Variants in TGM5 observed in about 807,000 individuals in gnomAD.
TGM5 encodes the protein transglutaminase 5.
TGM5 carries 69 observed loss-of-function variants against 77.2 expected under a neutral mutation model. That is an observed-to-expected ratio of 0.89 (90% CI 0.74 to 1.09). The LOEUF (loss-of-function observed/expected upper bound fraction) is 1.09. TGM5 is among the 50% of genes least tolerant of loss of function. TGM5 has a pLI of 0.00. For missense variants in TGM5, 842 were observed against 896.5 expected, an observed-to-expected ratio of 0.94 and a Z score of 0.78; for synonymous variants, 346 against 351.8, an observed-to-expected ratio of 0.98 and a Z score of 0.18.
rs575654520 is a variant in TGM5 at position 43,253,560 on chromosome 15, T to C, written c.630A>G (p.Thr210=). 6.2e-7 allele frequency: 1 copy of C among 1,613,858 alleles called. No homozygotes were observed. The highest frequency in any genetic ancestry group is 2.2e-5 in the East Asian group (1 of 44,886). ...KSLHFQTDPA[T]DCALRGSPVY... The stretch of plus-strand genomic sequence containing the variant: ...CGGGGCTTCCCCGCAGAGCACAGTC[T>C]GTGGCTGGGTCAGTCTGGAAGTGCA... Residue 210 remains threonine (T), a synonymous_variant, in exon 5 of 13, where the codon ACA becomes ACG. Transcript: ENST00000220420.
At chr15:43,251,447 A>C (rs1365303297) in intron 6 of TGM5, among the ~76,000 whole-genome samples, 1 of 152,186 alleles carries the variant, frequency 6.6e-6, no homozygotes, top group Non-Finnish European at 1.5e-5. Context: ...CACGAAATGC[A>C]ACAAACTTTG....
chr15:43,239,890 A>G (rs1181767336), intron 7 of TGM5: 1 of 159,180 alleles, frequency 6.3e-6, no homozygotes, highest in African/African-American at 2.4e-5. Flanking sequence ...TTGTATTCGG[A>G]GGTAAGGCCG....
chr15:43,235,082 T>C (rs2042578164), intron 10 of TGM5, among the ~76,000 whole-genome samples, 153 bp from the exon 11 acceptor site: 1 of 152,036 alleles, frequency 6.6e-6, no homozygotes, highest in African/African-American at 2.4e-5. Context: ...GGAAATGAGC[T>C]GAAAAGAGCC....
chr15:43,240,320 A>G (rs1251599677), intron 7 of TGM5, among the ~76,000 whole-genome samples: 1 of 152,168 alleles, frequency 6.6e-6, no homozygotes, highest in Non-Finnish European at 1.5e-5. Flanking sequence ...GTCTATTACC[A>G]TTAGGTCATA....
intron 6 of TGM5, among the ~76,000 whole-genome samples, chr15:43,241,940 T>C (rs1024420762): frequency 2.6e-5 from 4 of 152,124 alleles, no homozygotes; most frequent in Non-Finnish European, 5.9e-5. Context: ...GCGCCCGGCC[T>C]CTGTGCTCTT....
intron 4 of TGM5, among the ~76,000 whole-genome samples, chr15:43,255,872 C>T (rs982170548): frequency 2.6e-5 from 4 of 152,128 alleles, no homozygotes; most frequent in African/African-American, 7.2e-5. Flanking sequence ...GTTATTTTTA[C>T]GTATAAAGTA....
intron 6 of TGM5, 57 bp from the exon 7 acceptor site, chr15:43,241,047 T>G: frequency 6.2e-7 from 1 of 1,612,106 alleles, no homozygotes; most frequent in Non-Finnish European, 8.5e-7. Flanking sequence ...ACCCGTATAT[T>G]CCTGGACTTT....
chr15:43,243,690 C>T (rs1180416420), intron 6 of TGM5, among the ~76,000 whole-genome samples: 1 of 152,200 alleles, frequency 6.6e-6, no homozygotes, highest in East Asian at 1.9e-4. Context: ...CTATGGCTTT[C>T]TCTCCCACTT....
intron 6 of TGM5, 143 bp downstream of exon 6, chr15:43,252,616 G>A (rs557424166): frequency 9.9e-6 from 11 of 1,112,422 alleles, no homozygotes; most frequent in Middle Eastern, 2.9e-4. Context: ...GTGCCCGGCC[G>A]AGACATTTCA....
At chr15:43,260,724 C>T in intron 1 of TGM5, 145 bp from the exon 2 acceptor site, 1 of 860,338 alleles carries the variant, frequency 1.2e-6, no homozygotes, top group East Asian at 2.6e-5. Context: ...ATAAGATCAG[C>T]CTGCCAGGAT....
Position 43,235,465 on chromosome 15 carries a change from G to A in TGM5, c.1714+4C>T, listed in dbSNP as rs766911438. The A allele has an allele frequency of 4.5e-5, 72 of 1,614,010 alleles. No homozygotes were observed. In the South Asian group the frequency reaches 6.1e-4, roughly 14 times the overall value. ...CTGCGTACACAAACTGTGCACATGC[G>A]TACCTTCTTTAGGAGAGAGTGTGAT... On this transcript the variant is annotated splice_donor_region_variant and intron_variant, in intron 10 of 12. Coordinates refer to ENST00000220420, the MANE Select transcript of TGM5 (RefSeq NM_201631.4).
Position 43,238,983 on chromosome 15 carries a change from G to C in TGM5, c.1179C>G (p.Pro393=). 6.2e-7 allele frequency: 1 copy of C among 1,614,186 alleles called. No homozygotes were observed. The highest frequency in any genetic ancestry group is 8.5e-7 in the Non-Finnish European group (1 of 1,180,048). ...CAGCATTCACCATCGAAAACACAAA[G>C]GGCGTGTCATAGTTCAGGTCCACTT... ...EGEVDLNYDT[P]FVFSMVNADC... Residue 393 remains proline (P), a synonymous_variant, in exon 9 of 13, where the codon CCC becomes CCG. Transcript: ENST00000220420.
rs1161111802 is a variant in TGM5, at chr15:43,233,239, A to G, written c.2115T>C (p.Phe705=). ...CATTCCTGTAACCCTTAATGTCCTT[A>G]AACTTGTTGCTTCTCATATTAGCTT... is the stretch of plus-strand genomic sequence containing the variant. ...QIQANMRSNK[F]KDIKGYRNVY... is the part of the protein sequence containing the mutation. Residue 705 remains phenylalanine (F), a synonymous_variant, in exon 13 of 13, where the codon TTT becomes TTC. Coordinates refer to ENST00000220420, the MANE Select transcript of TGM5 (RefSeq NM_201631.4). 1.2e-6 allele frequency: 2 copies of G among 1,614,166 alleles called. No individual in the cohort carries two copies. Among genetic ancestry groups the G allele is most frequent in the Admixed American group, 3.3e-5 (2 of 60,026 alleles).
rs148534721 is a variant in TGM5 at position 43,235,708 on chromosome 15, C to T, written c.1475G>A (p.Arg492Gln). The T allele has an allele frequency of 3.9e-5, 63 of 1,614,150 alleles. No homozygotes were observed. The African/African-American group carries it at 5.7e-4, about 15-fold the overall frequency. The change falls in exon 10 of 13, where the codon CGG (arginine) becomes CAG (glutamine). Residue 492 changes from arginine (R) to glutamine (Q), a missense_variant. This residue lies in a region of TGM5 where 815 missense variants were observed against 844.6 expected (regional missense o/e 0.96). Coordinates refer to ENST00000220420, the MANE Select transcript of TGM5 (RefSeq NM_201631.4). ...TCGAAGGGAAGGTGTATGCAGGCTC[C>T]GAGGGCTGTCCTGGCTCAGTGATGT... ...RPTSLSQDSPRSLHTPSLRPS... is the reference protein window; with the variant it reads ...RPTSLSQDSPQSLHTPSLRPS...
chr15:43,257,033 G>A (rs927809478), intron 3 of TGM5, among the ~76,000 whole-genome samples: 7 of 152,300 alleles, frequency 4.6e-5, no homozygotes, highest in Non-Finnish European at 7.3e-5. Context: ...GAACACAGCC[G>A]ATTGATTCCA....
intron 1 of TGM5, 21 bp from the exon 2 acceptor site, chr15:43,260,600 T>C (rs756893347): frequency 1.3e-5 from 21 of 1,613,790 alleles, no homozygotes; most frequent in Non-Finnish European, 1.5e-5. Flanking sequence ...GCAGCCAGGG[T>C]TAGACAAAAT....
intron 9 of TGM5, among the ~76,000 whole-genome samples, chr15:43,238,262 A>G (rs1239353563): frequency 6.6e-6 from 1 of 152,026 alleles, no homozygotes; most frequent in Non-Finnish European, 1.5e-5. Flanking sequence ...CTCCCTGGTA[A>G]TTGAACCTAG....
At chr15:43,252,695 C>A in intron 6 of TGM5, 64 bp downstream of exon 6, 1 of 1,588,800 alleles carries the variant, frequency 6.3e-7, no homozygotes, top group South Asian at 1.1e-5. Context: ...GGGAATGGTT[C>A]AGAAGGCTCA....
At chr15:43,266,667 T>C (rs1218202906) in intron 1 of TGM5, among the ~76,000 whole-genome samples, 173 bp downstream of exon 1, 1 of 152,250 alleles carries the variant, frequency 6.6e-6, no homozygotes, top group Non-Finnish European at 1.5e-5. Flanking sequence ...CGCTGTCTCC[T>C]GGTTCTCAAG....
Sources: gnomAD v4.1 joint callset for allele counts (sites outside exome capture counted in the v4.1 genomes callset) on GRCh38, gnomAD v4.1.1 for gene constraint, gnomAD v4.1.1 regional missense constraint, MANE v1.5 for transcripts, NCBI Gene and HGNC (gene_info 2026-07-23, HGNC 2026-07-21) for gene names.